Variants in NHEJ1 observed in about 807,000 individuals in gnomAD.
The protein encoded by NHEJ1 is non-homologous end-joining factor 1.
In NHEJ1, 22 loss-of-function variants were observed where a neutral mutation model predicts 39.4. The ratio of observed to expected loss-of-function variants is 0.56; its 90% confidence interval spans 0.40 to 0.80. The LOEUF (loss-of-function observed/expected upper bound fraction) is 0.80. NHEJ1 is among the 30% of genes least tolerant of loss of function. The pLI, the probability that NHEJ1 is intolerant of heterozygous loss-of-function variation, is 0.00. For missense variants in NHEJ1, 329 were observed against 357.1 expected, an observed-to-expected ratio of 0.92 and a Z score of 0.63; for synonymous variants, 154 against 135.6, an observed-to-expected ratio of 1.14 and a Z score of -0.94.
At chr2:219,080,995 C>T (rs1210719073) in intron 5 of NHEJ1, among the ~76,000 whole-genome samples, 1 of 152,066 alleles carries the variant, frequency 6.6e-6, no homozygotes, top group African/African-American at 2.4e-5. Flanking sequence ...GAATTTTGGT[C>T]AAAAGAGCAA....
intron 5 of NHEJ1, among the ~76,000 whole-genome samples, chr2:219,144,798 T>C (rs997267508): frequency 6.6e-6 from 1 of 152,202 alleles, no homozygotes; most frequent in Non-Finnish European, 1.5e-5. Flanking sequence ...ACCAGCATGT[T>C]ATCCCCAGCC....
chr2:219,126,932 G>T (rs1319032475), intron 5 of NHEJ1, among the ~76,000 whole-genome samples: 1 of 152,240 alleles, frequency 6.6e-6, no homozygotes, highest in South Asian at 2.1e-4. Flanking sequence ...AGTTCACTGT[G>T]GCAGAAGTGT....
intron 5 of NHEJ1, among the ~76,000 whole-genome samples, chr2:219,117,029 A>G (rs907117124): frequency 1.3e-5 from 2 of 152,116 alleles, no homozygotes; most frequent in African/African-American, 4.8e-5. Flanking sequence ...TTCCCATCCC[A>G]CAACCTGGGC....
chr2:219,149,086 G>A lies in NHEJ1; in HGVS notation c.391-1291C>T, dbSNP rs1387209653. 2.0e-5 allele frequency among the ~76,000 whole-genome samples: 3 copies of A among 152,188 alleles called. No homozygotes were observed. The East Asian group carries it at 5.8e-4, about 30-fold the overall frequency. On this transcript the variant is annotated intron_variant, in intron 3 of 7. Coordinates refer to ENST00000356853, the MANE Select transcript of NHEJ1 (RefSeq NM_024782.3). ...TTTAGTAGAGACGGGGTTTCACCAT[G>A]TTGGTCAGGCTGGTCTTGAACTCCT... is the stretch of plus-strand genomic sequence containing the variant.
rs1044096889 is a variant in NHEJ1 at position 219,074,927 on chromosome 2, A to G, written c.*1454T>C. On this transcript the variant is annotated 3_prime_UTR_variant, in exon 8 of 8. Coordinates refer to ENST00000356853, the MANE Select transcript of NHEJ1 (RefSeq NM_024782.3). The stretch of plus-strand genomic sequence containing the variant: ...CTTGGTGGAGATCTCAGACTCTGCT[A>G]GCAGGAAAAAGCATGAGGGTAAGTC... 6.6e-6 allele frequency among the ~76,000 whole-genome samples: 1 copy of G among 151,282 alleles called. No individual in the cohort carries two copies. The highest frequency in any genetic ancestry group is 2.4e-5 in the African/African-American group (1 of 41,140).
intron 5 of NHEJ1, among the ~76,000 whole-genome samples, chr2:219,113,173 C>T (rs1000946711): frequency 2.0e-5 from 3 of 152,076 alleles, no homozygotes; most frequent in Non-Finnish European, 4.4e-5. Context: ...AATGTTTTAC[C>T]TTAATATATT....
At chr2:219,131,639 T>C (rs1949579946) in intron 5 of NHEJ1, among the ~76,000 whole-genome samples, 1 of 152,220 alleles carries the variant, frequency 6.6e-6, no homozygotes, top group African/African-American at 2.4e-5. Flanking sequence ...GTTTTTCTTT[T>C]TTTGGATTCT....
At chr2:219,101,126 T>C (rs948919113) in intron 5 of NHEJ1, among the ~76,000 whole-genome samples, 7 of 152,328 alleles carry the variant, frequency 4.6e-5, no homozygotes, top group African/African-American at 1.7e-4. Context: ...TATTTACTTA[T>C]TTATTGGGGA....
At chr2:219,152,282 T>C (rs1949803727) in intron 3 of NHEJ1, among the ~76,000 whole-genome samples, 1 of 152,128 alleles carries the variant, frequency 6.6e-6, no homozygotes, top group Non-Finnish European at 1.5e-5. Context: ...TTCTCCAAAG[T>C]CTTCAGATTT....
chr2:219,123,579 C>T (rs1949490445), intron 5 of NHEJ1, among the ~76,000 whole-genome samples: 1 of 152,306 alleles, frequency 6.6e-6, no homozygotes, highest in South Asian at 2.1e-4. Context: ...CATGACAGAA[C>T]TATTAAAAGG....
intron 5 of NHEJ1, among the ~76,000 whole-genome samples, chr2:219,110,171 C>G (rs1039831511): frequency 1.3e-5 from 2 of 152,040 alleles, no homozygotes; most frequent in African/African-American, 4.8e-5. Context: ...GACAAAAATC[C>G]CTGCCCTCAT....
chr2:219,155,972 G>A (rs1171257936), intron 3 of NHEJ1, among the ~76,000 whole-genome samples: 7 of 149,772 alleles, frequency 4.7e-5, no homozygotes, highest in Non-Finnish European at 7.4e-5. Context: ...GCATCAGGCC[G>A]GGTGCGGTGG....
Position 219,111,660 on chromosome 2 carries a change from CACAGAG to C in NHEJ1, c.589-33460_589-33455del, listed in dbSNP as rs1949366713. 2.0e-5 allele frequency among the ~76,000 whole-genome samples: 3 copies of C among 150,180 alleles called. No homozygotes were observed. Among genetic ancestry groups the C allele is most frequent in the African/African-American group, 7.3e-5 (3 of 41,000 alleles). ...ACACACACACACACACACACACACACACAGAGAGATACATACAGTCAGTGGGAAAGA... is the reference window on the plus strand; with the variant it reads ...ACACACACACACACACACACACACACAGATACATACAGTCAGTGGGAAAGA... On this transcript the variant is annotated intron_variant, in intron 5 of 7. Transcript: ENST00000356853. The surrounding 1 kb of genome is among the most constrained non-coding windows in gnomAD (Gnocchi z 4.1).
At chr2:219,158,388 A>T (rs1949878582) in intron 1 of NHEJ1, 26 bp from the exon 2 acceptor site, 2 of 1,612,596 alleles carry the variant, frequency 1.2e-6, no homozygotes, top group African/African-American at 2.7e-5. Flanking sequence ...CATTTAGTAA[A>T]GAGCCTCAGG....
intron 3 of NHEJ1, among the ~76,000 whole-genome samples, chr2:219,154,882 T>A (rs1375759282): frequency 6.8e-6 from 1 of 147,278 alleles, no homozygotes; most frequent in African/African-American, 2.5e-5. Context: ...TTATATAATA[T>A]ATAATACATT....
chr2:219,113,082 C>T lies in NHEJ1; in HGVS notation c.588+33598G>A, dbSNP rs78602766. Among the ~76,000 whole-genome samples the T allele has an allele frequency of 8.7e-3, 1,317 of 152,250 alleles. 20 individuals are homozygous for T. The highest frequency in any genetic ancestry group is 0.03 in the African/African-American group (1,245 of 41,530). On this transcript the variant is annotated intron_variant, in intron 5 of 7. Transcript: ENST00000356853. Reference sequence around the variant, plus strand: ...CTATCACGGCATATGAAAAAGGCAACGACTAAGTCAAAGTACTTTACCTCC... The same window carrying T: ...CTATCACGGCATATGAAAAAGGCAATGACTAAGTCAAAGTACTTTACCTCC...
In NHEJ1 at chr2:219,071,455, G is replaced by A; in HGVS notation, c.*4926C>T. Among the ~76,000 whole-genome samples the A allele has an allele frequency of 6.6e-6, 1 of 152,154 alleles. No individual in the cohort carries two copies. Among genetic ancestry groups the A allele is most frequent in the African/African-American group, 2.4e-5 (1 of 41,438 alleles). On this transcript the variant is annotated 3_prime_UTR_variant, in exon 8 of 8. Transcript: ENST00000356853. ...GTGAGGCCCAATATTTCCACAGCAG[G>A]ATTATAGGATCTGATTAACCATGTT...
rs1336682517 is a variant in NHEJ1, at chr2:219,078,078, G to A, written c.706+11C>T. 2 of 1,596,676 alleles carry A rather than the reference G, an allele frequency of 1.3e-6. No homozygotes were observed. The highest frequency in any genetic ancestry group is 2.7e-5 in the African/African-American group (2 of 74,602). The stretch of plus-strand genomic sequence containing the variant: ...ATCCTCACACAGACCGGGTACCTCT[G>A]GAGGGCTCACCAGCGCCTTGATGCT... On this transcript the variant is annotated intron_variant, in intron 6 of 7. Coordinates refer to ENST00000356853, the MANE Select transcript of NHEJ1 (RefSeq NM_024782.3).
Position 219,070,884 on chromosome 2 carries a change from C to T in NHEJ1, c.*5497G>A, listed in dbSNP as rs969997268. Reference sequence around the variant, plus strand: ...AGTATCACCTTCAAATGTCATCACACCGTTATTAGTATTGCTGTTATCTAT... The same window carrying T: ...AGTATCACCTTCAAATGTCATCACATCGTTATTAGTATTGCTGTTATCTAT... On this transcript the variant is annotated 3_prime_UTR_variant, in exon 8 of 8. Transcript: ENST00000356853. 6.6e-6 allele frequency among the ~76,000 whole-genome samples: 1 copy of T among 152,184 alleles called. No homozygotes were observed. The highest frequency in any genetic ancestry group is 2.4e-5 in the African/African-American group (1 of 41,428).
Sources: allele counts gnomAD v4.1 joint callset (sites outside exome capture counted in the v4.1 genomes callset), GRCh38; gene constraint gnomAD v4.1.1; non-coding constraint Gnocchi (gnomAD v3.1); transcripts MANE v1.5; gene names NCBI Gene and HGNC (gene_info 2026-07-23, HGNC 2026-07-21).